The following CPSF6 variants were observed in gnomAD, a reference collection of about 807,000 sequenced individuals.
CPSF6 encodes cleavage and polyadenylation specific factor 6, also known as cleavage and polyadenylation specificity factor subunit 6.
In CPSF6, 10 loss-of-function variants were observed where a neutral mutation model predicts 56.7. The ratio of observed to expected loss-of-function variants is 0.18; its 90% confidence interval spans 0.11 to 0.30. The LOEUF (loss-of-function observed/expected upper bound fraction) is 0.30. Among genes scored for constraint, CPSF6 ranks in the 10% least tolerant of loss-of-function variants. The probability of loss-of-function intolerance (pLI) is 1.00; values close to 1 mark genes in which losing one functional copy is unlikely to be tolerated. For synonymous variants in CPSF6, 248 were observed against 244.8 expected (o/e 1.01, Z -0.12); for missense variants, 419 against 722.9 (o/e 0.58, Z 4.82).
intron 1 of CPSF6, among the ~76,000 whole-genome samples, chr12:69,250,099 C>A (rs912282677): frequency 2.2e-4 from 33 of 152,150 alleles, no homozygotes; most frequent in African/African-American, 7.2e-4. Flanking sequence ...TTACCTTGTT[C>A]ATTTATTACG....
At position 69,259,458 on chromosome 12, in the gene CPSF6, T is replaced by C; in HGVS notation, c.1230T>C (p.Ser410=). ...REMDTARTPL[S]EAEFEEIMNR... ...TGGATACTGCAAGAACGCCATTGAG[T>C]GAAGCTGAATTTGAAGAAATCATGA... Residue 410 remains serine (S), a synonymous_variant, in exon 7 of 10, where the codon AGT becomes AGC. Coordinates refer to ENST00000435070, the MANE Select transcript of CPSF6 (RefSeq NM_007007.3). 2.5e-6 allele frequency: 4 copies of C among 1,613,642 alleles called. No individual in the cohort carries two copies. Among genetic ancestry groups the C allele is most frequent in the Non-Finnish European group, 3.4e-6 (4 of 1,179,792 alleles).
chr12:69,246,871 C>T (rs1406753147), intron 1 of CPSF6, among the ~76,000 whole-genome samples: 4 of 151,970 alleles, frequency 2.6e-5, no homozygotes, highest in Admixed American at 2.6e-4. Context: ...CCTAAGTTGC[C>T]CAGGCTGGTC....
chr12:69,242,435 A>C (rs758434514), intron 1 of CPSF6, among the ~76,000 whole-genome samples: 1 of 152,250 alleles, frequency 6.6e-6, no homozygotes, highest in African/African-American at 2.4e-5. Flanking sequence ...GAGGCATTCA[A>C]CAGTCTTAGC....
chr12:69,257,476 T>A (rs781635552), intron 4 of CPSF6, among the ~76,000 whole-genome samples: 28 of 150,484 alleles, frequency 1.9e-4, no homozygotes, highest in Non-Finnish European at 3.9e-4. Context: ...TCTTGGCTGC[T>A]GCAGAGTGCT....
At chr12:69,240,859 C>T (rs943275501) in intron 1 of CPSF6, among the ~76,000 whole-genome samples, 1 of 152,172 alleles carries the variant, frequency 6.6e-6, no homozygotes, top group East Asian at 1.9e-4. Context: ...TTTGAACCTG[C>T]TGTTCGTATC....
intron 1 of CPSF6, among the ~76,000 whole-genome samples, chr12:69,245,096 T>TAAAA (rs11317829): frequency 7.2e-6 from 1 of 138,042 alleles, no homozygotes; most frequent in Non-Finnish European, 1.5e-5. Flanking sequence ...CGTCTCTATT[T>TAAAA]AAAAAAAAAA....
chr12:69,259,191 C>A, intron 6 of CPSF6, 97 bp downstream of exon 6: 2 of 1,376,618 alleles, frequency 1.5e-6, no homozygotes, highest in Non-Finnish European at 1.9e-6. Flanking sequence ...GTTATTTCTG[C>A]CTTCCAAGAA....
chr12:69,264,529 A>G (rs968496992), intron 9 of CPSF6, among the ~76,000 whole-genome samples: 3 of 152,150 alleles, frequency 2.0e-5, no homozygotes, highest in African/African-American at 7.2e-5. Flanking sequence ...CATAAACTAC[A>G]AATTCCTAAT....
intron 1 of CPSF6, among the ~76,000 whole-genome samples, chr12:69,248,669 A>G (rs1872041541): frequency 2.0e-5 from 3 of 152,224 alleles, no homozygotes; most frequent in Non-Finnish European, 4.4e-5. Flanking sequence ...CAAACAGAAT[A>G]AAATTATGGC....
chr12:69,263,802 A>G (rs1872852092), intron 9 of CPSF6, among the ~76,000 whole-genome samples: 1 of 152,036 alleles, frequency 6.6e-6, no homozygotes, highest in Non-Finnish European at 1.5e-5. Context: ...ACACAGATAT[A>G]AGCTCCTACA....
chr12:69,263,064 ACATT>A, intron 9 of CPSF6, among the ~76,000 whole-genome samples: 1 of 145,754 alleles, frequency 6.9e-6, no homozygotes, highest in South Asian at 2.3e-4. Context: ...TGTTTTCTCA[ACATT>A]CAAAGAGAAT....
At position 69,259,020 on chromosome 12, in the gene CPSF6, C is replaced by T. The variant is rs752501123; in HGVS notation, c.1125C>T (p.Ser375=). 5.6e-6 allele frequency: 9 copies of T among 1,609,054 alleles called. No homozygotes were observed. The highest frequency in any genetic ancestry group is 7.6e-6 in the Non-Finnish European group (9 of 1,179,986). The change falls in exon 6 of 10, where the codon AGC becomes AGT. Residue 375 remains serine (S), a synonymous_variant. Transcript: ENST00000435070. ...ACAGTGGCATGCCTACATCAGATAGCCGAGGTCCACCACCAACAGATCCAT... is the reference window on the plus strand; with the variant it reads ...ACAGTGGCATGCCTACATCAGATAGTCGAGGTCCACCACCAACAGATCCAT... ...PTNSGMPTSD[S]RGPPPTDPYG...
At chr12:69,253,254 A>G (rs1035823460) in intron 3 of CPSF6, 100 bp downstream of exon 3, 10 of 593,766 alleles carry the variant, frequency 1.7e-5, no homozygotes, top group Non-Finnish European at 3.0e-5. Context: ...ATGTATACAC[A>G]TGTATACAAA....
chr12:69,262,668 C>T lies in CPSF6; in HGVS notation c.*3+106C>T, dbSNP rs541910677. 75 of 1,225,610 alleles carry T rather than the reference C, an allele frequency of 6.1e-5. 1 individual carries two copies. The African/African-American group carries it at 1.1e-3, about 18-fold the overall frequency. 75.9% of individuals were successfully genotyped at this position (1,225,610 alleles called of 1,614,324 possible). On this transcript the variant is annotated intron_variant, in intron 9 of 9. Transcript: ENST00000435070. ...TATACCTACATTTTAAATGGTCCAACTACTTGTGAATTTAATCTTCTGGAA... is the reference window on the plus strand; with the variant it reads ...TATACCTACATTTTAAATGGTCCAATTACTTGTGAATTTAATCTTCTGGAA...
At chr12:69,268,764 AT>A (rs899867323) in intron 9 of CPSF6, among the ~76,000 whole-genome samples, 6 of 150,582 alleles carry the variant, frequency 4.0e-5, no homozygotes, top group African/African-American at 7.3e-5. Context: ...ACTTTATTCT[AT>A]TTTTTTTCTT....
rs925005132 is a variant in CPSF6 at position 69,259,103 on chromosome 12, G to A, written c.1199+9G>A. 15 of 1,590,296 alleles carry A rather than the reference G, an allele frequency of 9.4e-6. No individual in the cohort carries two copies. Among genetic ancestry groups the A allele is most frequent in the African/African-American group, 1.3e-5 (1 of 74,592 alleles). ...TATGGCCCCCCTGGAAGGTAAGTTA[G>A]TGTGTATCTGTGAAAGTACTTGATG... On this transcript the variant is annotated intron_variant, in intron 6 of 9. Coordinates refer to ENST00000435070, the MANE Select transcript of CPSF6 (RefSeq NM_007007.3).
chr12:69,257,392 CTT>C (rs1872555350), intron 4 of CPSF6, among the ~76,000 whole-genome samples: 2 of 152,286 alleles, frequency 1.3e-5, no homozygotes, highest in South Asian at 4.1e-4. Context: ...GCACTTAAGA[CTT>C]AACTGAAGAA....
At chr12:69,252,084 A>G (rs490872) in intron 2 of CPSF6, 334,754 of 455,024 alleles carry the variant, frequency 0.74, 124,399 homozygotes, top group African/African-American at 0.9. Flanking sequence ...TCTTTTTTTC[A>G]GGGGGAGACA....
In CPSF6 at chr12:69,262,403, T is replaced by C. The variant is rs1872780651; in HGVS notation, c.1500T>C (p.Ser500=). 1.2e-6 allele frequency: 2 copies of C among 1,610,962 alleles called. No individual in the cohort carries two copies. Among genetic ancestry groups the C allele is most frequent in the East Asian group, 2.2e-5 (1 of 44,872 alleles). The part of the protein sequence containing the change: ...RRERSRERDH[S]RSREKSRRHK... ...AACGATCAAGAGAGAGGGACCATAG[T>C]AGATCACGAGAAAAGAGTCGACGTC... The change falls in exon 9 of 10, where the codon AGT becomes AGC. Residue 500 remains serine, a synonymous_variant. Coordinates refer to ENST00000435070, the MANE Select transcript of CPSF6 (RefSeq NM_007007.3).
Sources: allele counts gnomAD v4.1 joint callset (sites outside exome capture counted in the v4.1 genomes callset), GRCh38; gene constraint gnomAD v4.1.1; transcripts MANE v1.5; gene names NCBI Gene and HGNC (gene_info 2026-07-23, HGNC 2026-07-21).